The following ANKHD1 variants were observed in gnomAD, a reference collection of about 807,000 sequenced individuals.
ANKHD1 encodes ankyrin repeat and KH domain-containing protein 1.
Under a neutral mutation model 230.5 loss-of-function variants are expected in ANKHD1, and 31 were observed. The ratio of observed to expected loss-of-function variants is 0.13; its 90% CI spans 0.10 to 0.18. The LOEUF is 0.18. ANKHD1 is among the 10% of genes least tolerant of loss of function. The probability of loss-of-function intolerance (pLI) is 1.00; values close to 1 mark genes in which losing one functional copy is unlikely to be tolerated. For synonymous variants in ANKHD1, 1,074 were observed against 1,117.6 expected, an observed-to-expected ratio of 0.96 and a Z score of 0.78; for missense variants, 2,256 against 3,071.3, an observed-to-expected ratio of 0.73 and a Z score of 6.27.
At position 140,526,964 on chromosome 5, in the gene ANKHD1, C is replaced by T; in HGVS notation, c.4977C>T (p.Thr1659=). 1 of 1,612,880 alleles carries T rather than the reference C, an allele frequency of 6.2e-7. No individual in the cohort carries two copies. The highest frequency in any genetic ancestry group is 8.5e-7 in the Non-Finnish European group (1 of 1,179,524). Residue 1659 remains threonine, a synonymous_variant, in exon 27 of 34, where the codon ACC becomes ACT. Coordinates refer to ENST00000360839, the MANE Select transcript of ANKHD1 (RefSeq NM_017747.3). The part of the protein sequence containing the change: ...EGEVTPNSLS[T]SYKTVSLPLS... ...AAGTGACTCCTAATTCCTTGTCAAC[C>T]AGCTACAAGACAGTGTCATTGCCAT...
At position 140,497,311 on chromosome 5, in the gene ANKHD1, C is replaced by T. The variant is rs756436981; in HGVS notation, c.3004+33C>T. ...AAGAAATATATCTGTAATAATTTCT[C>T]TTTAATCTGTGTGCTGAACTTCTTT... On this transcript the variant is annotated intron_variant, in intron 15 of 33. Transcript: ENST00000360839. 14 of 1,558,782 alleles carry T rather than the reference C, an allele frequency of 9.0e-6. No homozygotes were observed. In the South Asian group the frequency reaches 1.1e-4, roughly 12 times the overall value.
chr5:140,529,987 G>T (rs535031819), intron 29 of ANKHD1, among the ~76,000 whole-genome samples, 191 bp downstream of exon 29: 9 of 151,740 alleles, frequency 5.9e-5, no homozygotes, highest in African/African-American at 2.2e-4. Context: ...CTTGGAATTG[G>T]TGTCTATTCA....
chr5:140,467,631 T>G (rs1419212130), intron 10 of ANKHD1, among the ~76,000 whole-genome samples: 1 of 152,168 alleles, frequency 6.6e-6, no homozygotes, highest in African/African-American at 2.4e-5. Context: ...GTGGAAAGTA[T>G]GGGAAAGTAT....
At chr5:140,419,604 C>T (rs551053100) in intron 1 of ANKHD1, among the ~76,000 whole-genome samples, 1 of 151,640 alleles carries the variant, frequency 6.6e-6, no homozygotes, top group East Asian at 2.0e-4. Flanking sequence ...GGACTATCAG[C>T]ATGTACCACT....
rs1292753293 is a variant in ANKHD1, at chr5:140,491,107, TACAC to T, written c.2245+4057_2245+4060del. Among the ~76,000 whole-genome samples the T allele has an allele frequency of 5.5e-3, 304 of 55,108 alleles. 2 individuals are homozygous for T. The highest frequency in any genetic ancestry group is 0.014 in the African/African-American group (295 of 21,674). The allele number at this position is 55,108 out of a possible 152,430, so 36.2% of individuals were successfully genotyped here. A position where few individuals can be genotyped will look rare whatever the true frequency, so the allele number is the denominator to read the frequency against. ...GTGTGTGTGTGTATATATATATATA[TACAC>T]ACACACACATATATATATATATATA... On this transcript the variant is annotated intron_variant, in intron 14 of 33. Transcript: ENST00000360839.
chr5:140,421,318 T>G (rs1050837462), intron 1 of ANKHD1, among the ~76,000 whole-genome samples: 39 of 148,982 alleles, frequency 2.6e-4, no homozygotes, highest in Non-Finnish European at 4.8e-4. Context: ...TTTTTTTTTT[T>G]TGAGACAGTT....
intron 1 of ANKHD1, among the ~76,000 whole-genome samples, chr5:140,414,685 T>C (rs913550573): frequency 1.5e-4 from 23 of 151,844 alleles, no homozygotes; most frequent in Admixed American, 1.5e-3. Context: ...AAAAAAAAAT[T>C]AGCCAGGCAT....
intron 10 of ANKHD1, among the ~76,000 whole-genome samples, chr5:140,479,603 CATT>C (rs1188105228): frequency 1.3e-5 from 2 of 151,426 alleles, no homozygotes; most frequent in African/African-American, 2.4e-5. Context: ...TATATATTCC[CATT>C]ATTGATTCCC....
At position 140,512,939 on chromosome 5, in the gene ANKHD1, T is replaced by C; in HGVS notation, c.4200+16T>C. Reference sequence around the variant, plus strand: ...TACAGATAAGGTAAGTTTAATATGCTACTGAAGCACATTTTTGTTCTTTGT... The same window carrying C: ...TACAGATAAGGTAAGTTTAATATGCCACTGAAGCACATTTTTGTTCTTTGT... On this transcript the variant is annotated intron_variant, in intron 23 of 33. Transcript: ENST00000360839. 6.3e-7 allele frequency: 1 copy of C among 1,575,314 alleles called. No individual in the cohort carries two copies. The highest frequency in any genetic ancestry group is 8.6e-7 in the Non-Finnish European group (1 of 1,164,350).
intron 14 of ANKHD1, among the ~76,000 whole-genome samples, chr5:140,491,080 ATGTGTGTGTGTG>A (rs1356342178): frequency 5.5e-5 from 7 of 126,224 alleles, no homozygotes; most frequent in Admixed American, 5.1e-4. Flanking sequence ...GTATGTATAT[ATGTGTGTGTGTG>A]TATATATATA....
At chr5:140,450,642 C>G (rs1158369409) in intron 7 of ANKHD1, among the ~76,000 whole-genome samples, 1 of 152,094 alleles carries the variant, frequency 6.6e-6, no homozygotes, top group Non-Finnish European at 1.5e-5. Context: ...TGTACTCAAG[C>G]AGTCCTCTCG....
intron 15 of ANKHD1, among the ~76,000 whole-genome samples, chr5:140,504,576 T>TACC (rs1752466604): frequency 6.6e-6 from 1 of 152,198 alleles, no homozygotes; most frequent in South Asian, 2.1e-4. Context: ...CCAAGGCAGG[T>TACC]ACCATTATTT....
intron 1 of ANKHD1, among the ~76,000 whole-genome samples, chr5:140,416,817 C>G (rs1005242486): frequency 6.7e-6 from 1 of 149,970 alleles, no homozygotes; most frequent in Non-Finnish European, 1.5e-5. Flanking sequence ...TTTGACTATT[C>G]TGGGTCTTTT....
chr5:140,425,332 C>T (rs541503037), intron 1 of ANKHD1, among the ~76,000 whole-genome samples: 57 of 152,288 alleles, frequency 3.7e-4, no homozygotes, highest in South Asian at 2.5e-3. Flanking sequence ...GTGATCATGG[C>T]TCATGCAGCC....
At chr5:140,456,160 A>G (rs62385229) in intron 7 of ANKHD1, among the ~76,000 whole-genome samples, 5 of 152,066 alleles carry the variant, frequency 3.3e-5, no homozygotes, top group South Asian at 2.1e-4. Flanking sequence ...CAAGGGATGT[A>G]AAGGACCTCT....
At chr5:140,408,421 A>C (rs1770657020) in intron 1 of ANKHD1, among the ~76,000 whole-genome samples, 1 of 152,214 alleles carries the variant, frequency 6.6e-6, no homozygotes, top group African/African-American at 2.4e-5. Flanking sequence ...ATCAAATTTA[A>C]AAGTGTAGCT....
chr5:140,441,046 A>G lies in ANKHD1; in HGVS notation c.817A>G (p.Ile273Val), dbSNP rs770326358. 1 of 1,612,314 alleles carries G rather than the reference A, an allele frequency of 6.2e-7. No individual in the cohort carries two copies. The highest frequency in any genetic ancestry group is 8.5e-7 in the Non-Finnish European group (1 of 1,179,364). The change falls in exon 5 of 34, where the codon ATA (isoleucine) becomes GTA (valine). Residue 273 changes from isoleucine to valine, a missense_variant. By Grantham distance (29) the Ile-to-Val change is conservative. This residue lies in a region of ANKHD1 where 206 missense variants were observed against 304.5 expected (regional missense o/e 0.68). Coordinates refer to ENST00000360839, the MANE Select transcript of ANKHD1 (RefSeq NM_017747.3). ...TGAAGATCGAGGGAATAAAGGAGAC[A>G]TAACTCCCCTGATGGCAGCTTCCAG... ...NVEDRGNKGD[I>V]TPLMAASSGG... is the part of the protein sequence containing the mutation.
In ANKHD1 at chr5:140,526,219, G is replaced by A. The variant is rs777991581; in HGVS notation, c.4716G>A (p.Lys1572=). The A allele has an allele frequency of 6.2e-7, 1 of 1,614,078 alleles. No homozygotes were observed. Among genetic ancestry groups the A allele is most frequent in the Non-Finnish European group, 8.5e-7 (1 of 1,180,018 alleles). Residue 1572 remains lysine (K), a synonymous_variant, in exon 26 of 34, where the codon AAG becomes AAA. Coordinates refer to ENST00000360839, the MANE Select transcript of ANKHD1 (RefSeq NM_017747.3). ...PEQHMSLAQQ[K]ADKNKINGEP... ...AACATATGTCTTTAGCCCAACAAAA[G>A]GCAGATAAAAATAAAATAAATGGAG...
At chr5:140,438,718 CT>C in intron 3 of ANKHD1, 101 bp downstream of exon 3, 1 of 1,414,998 alleles carries the variant, frequency 7.1e-7, no homozygotes, top group African/African-American at 1.4e-5. Context: ...AGCTTATAAA[CT>C]TTAGCTGAAA....
Sources: gnomAD v4.1 joint callset for allele counts (sites outside exome capture counted in the v4.1 genomes callset) on GRCh38, gnomAD v4.1.1 for gene constraint, gnomAD v4.1.1 regional missense constraint, MANE v1.5 for transcripts, NCBI Gene and HGNC (gene_info 2026-07-23, HGNC 2026-07-21) for gene names.